DNM3: variants seen among roughly 807,000 people sequenced by gnomAD.
DNM3 encodes dynamin-3.
In DNM3, 47 loss-of-function variants were observed where a neutral mutation model predicts 101.6. The observed-to-expected ratio is 0.46, with a 90% CI of 0.37 to 0.59. The LOEUF (loss-of-function observed/expected upper bound fraction) is 0.59, where lower values mean the gene tolerates loss of function less well. Among genes scored for constraint, DNM3 ranks in the 20% least tolerant of loss-of-function variants. DNM3 has a pLI of 0.00. For synonymous variants in DNM3, 385 were observed against 387.9 expected, an observed-to-expected ratio of 0.99 and a Z score of 0.09; for missense variants, 849 against 1,085.7, an observed-to-expected ratio of 0.78 and a Z score of 3.06.
rs1244610171 is a variant in DNM3, at chr1:172,387,657, C to CA, written c.2285+310dup. Among the ~76,000 whole-genome samples, 1,103 of 137,000 alleles carry CA rather than the reference C, an allele frequency of 8.1e-3. 6 individuals carry two copies. Among genetic ancestry groups the CA allele is most frequent in the Middle Eastern group, 0.027 (7 of 260 alleles). The allele number at this position is 137,000 out of a possible 152,430, so 89.9% of individuals were successfully genotyped here. On this transcript the variant is annotated intron_variant, in intron 19 of 20. Transcript: ENST00000627582. ...TGGGTGACAGAGCAAGACTCCGTCT[C>CA]AAAAAAAAAAAAGAAGATGGACCCA...
intron 14 of DNM3, among the ~76,000 whole-genome samples, chr1:172,225,224 T>C (rs2061065728): frequency 7.0e-6 from 1 of 143,572 alleles, no homozygotes; most frequent in Non-Finnish European, 1.5e-5. Flanking sequence ...CTGCAACTTC[T>C]GTCTCCCAGA....
At position 172,322,315 on chromosome 1, in the gene DNM3, C is replaced by A. The variant is rs531873515; in HGVS notation, c.1882-1014C>A. On this transcript the variant is annotated intron_variant, in intron 16 of 20. Transcript: ENST00000627582. Reference sequence around the variant, plus strand: ...CACTTTACTCACAGCTCTCTTCCACCCTGTGTCTCAGCGAGAAATTCCTTC... The same window carrying A: ...CACTTTACTCACAGCTCTCTTCCACACTGTGTCTCAGCGAGAAATTCCTTC... Among the ~76,000 whole-genome samples, 22 of 152,292 alleles carry A rather than the reference C, an allele frequency of 1.4e-4. No individual in the cohort carries two copies. In the South Asian group the frequency reaches 4.4e-3, roughly 30 times the overall value.
intron 10 of DNM3, among the ~76,000 whole-genome samples, chr1:172,066,514 T>TTAGTCCATGAATGGATTAATCCAC (rs1221927855): frequency 2.0e-5 from 3 of 152,012 alleles, no homozygotes; most frequent in South Asian, 2.1e-4. Flanking sequence ...TATTAATCCA[T>TTAGTCCATGAATGGATTAATCCAC]TAGTCCATGA....
At chr1:172,022,865 A>C (rs370942911) in intron 4 of DNM3, among the ~76,000 whole-genome samples, 1 of 152,140 alleles carries the variant, frequency 6.6e-6, no homozygotes, top group Non-Finnish European at 1.5e-5. Flanking sequence ...TCACATATGC[A>C]CTTATCCTCC....
In DNM3 at chr1:172,409,007, G is replaced by C. The variant is rs2071067832; in HGVS notation, c.*1166G>C. 1.0e-6 allele frequency: 1 copy of C among 985,226 alleles called. No individual in the cohort carries two copies. The highest frequency in any genetic ancestry group is 4.7e-5 in the South Asian group (1 of 21,290). The allele number at this position is 985,226 out of a possible 1,614,324, so 61.0% of individuals were successfully genotyped here. A position where few individuals can be genotyped will look rare whatever the true frequency, so the allele number is the denominator to read the frequency against. ...CCAGGTCACTCCAGAAAAGGGTATTGAAACGTTGAAATCTAAAGCAAATTT... is the reference window on the plus strand; with the variant it reads ...CCAGGTCACTCCAGAAAAGGGTATTCAAACGTTGAAATCTAAAGCAAATTT... On this transcript the variant is annotated 3_prime_UTR_variant, in exon 21 of 21. Transcript: ENST00000627582.
At chr1:172,242,081 G>T (rs2061769967) in intron 14 of DNM3, among the ~76,000 whole-genome samples, 2 of 152,130 alleles carry the variant, frequency 1.3e-5, no homozygotes, top group South Asian at 4.1e-4. Context: ...CCTATAAGGT[G>T]ATCAGTCAGC....
intron 2 of DNM3, among the ~76,000 whole-genome samples, chr1:171,944,963 A>G (rs2042079573): frequency 1.4e-5 from 2 of 142,870 alleles, no homozygotes; most frequent in Non-Finnish European, 3.0e-5. Flanking sequence ...TTCTGGGCTC[A>G]GGTGATCCTC....
chr1:172,198,829 C>G (rs1468264003), intron 14 of DNM3, among the ~76,000 whole-genome samples: 2 of 150,794 alleles, frequency 1.3e-5, no homozygotes, highest in African/African-American at 4.9e-5. Context: ...TAGTTAGAGG[C>G]CTGTCTTATT....
chr1:171,944,671 G>C (rs1272551433), intron 2 of DNM3, among the ~76,000 whole-genome samples: 1 of 151,824 alleles, frequency 6.6e-6, no homozygotes, highest in African/African-American at 2.4e-5. Context: ...ACCATGCCCA[G>C]CCTCAATTCC....
intron 1 of DNM3, among the ~76,000 whole-genome samples, chr1:171,906,227 A>G (rs1354098748): frequency 1.3e-5 from 2 of 150,998 alleles, no homozygotes; most frequent in Non-Finnish European, 2.9e-5. Flanking sequence ...TCCTGGGCTC[A>G]AGCGATTCTC....
chr1:172,289,957 A>G, intron 15 of DNM3: 1 of 929,622 alleles, frequency 1.1e-6, no homozygotes, highest in Non-Finnish European at 1.3e-6. Flanking sequence ...AAGACAATTT[A>G]TAGTCCTAAT....
At chr1:171,848,366 G>A (rs978170011) in intron 1 of DNM3, among the ~76,000 whole-genome samples, 1 of 152,082 alleles carries the variant, frequency 6.6e-6, no homozygotes, top group Non-Finnish European at 1.5e-5. Context: ...CTCAGACTTA[G>A]GCAAGTTAAT....
chr1:172,314,283 C>T (rs944098715), intron 16 of DNM3, among the ~76,000 whole-genome samples: 8 of 152,278 alleles, frequency 5.3e-5, no homozygotes, highest in East Asian at 1.9e-4. Context: ...GGAACAGCTC[C>T]GGTCTACAGC....
chr1:172,176,004 C>A (rs1420222862), intron 14 of DNM3, among the ~76,000 whole-genome samples: 1 of 151,842 alleles, frequency 6.6e-6, no homozygotes, highest in East Asian at 1.9e-4. Flanking sequence ...ATCCCTCCAA[C>A]CCTCCCAAGG....
chr1:172,031,330 C>T (rs2048589906), intron 4 of DNM3, among the ~76,000 whole-genome samples: 1 of 152,116 alleles, frequency 6.6e-6, no homozygotes. Flanking sequence ...TGTTCTCACT[C>T]ATAAGTGGGA....
At chr1:172,048,521 A>T (rs939915626) in intron 9 of DNM3, 91 bp from the exon 10 acceptor site, 53 of 1,419,686 alleles carry the variant, frequency 3.7e-5, no homozygotes, top group Non-Finnish European at 4.7e-5. Flanking sequence ...GCTTAATTTA[A>T]ATGGAATGTT....
intron 14 of DNM3, among the ~76,000 whole-genome samples, chr1:172,227,302 A>ATATATATATATG (rs1557846135): frequency 7.8e-6 from 1 of 127,574 alleles, no homozygotes; most frequent in Admixed American, 8.1e-5. Flanking sequence ...ATATATATAT[A>ATATATATATATG]TATCACATTT....
chr1:172,358,629 A>C (rs1164748566), intron 17 of DNM3, among the ~76,000 whole-genome samples: 7 of 152,100 alleles, frequency 4.6e-5, no homozygotes, highest in Admixed American at 6.6e-5. Context: ...AACCTGACTG[A>C]AACAGCAGAG....
chr1:172,165,204 T>G (rs1236988384), intron 14 of DNM3, among the ~76,000 whole-genome samples: 1 of 152,072 alleles, frequency 6.6e-6, no homozygotes, highest in Non-Finnish European at 1.5e-5. Context: ...AAATGGAAAC[T>G]CTCTACTATT....
Sources: allele counts gnomAD v4.1 joint callset (sites outside exome capture counted in the v4.1 genomes callset), GRCh38; gene constraint gnomAD v4.1.1; transcripts MANE v1.5; gene names NCBI Gene and HGNC (gene_info 2026-07-23, HGNC 2026-07-21).